The following AP3D1 variants were observed in gnomAD, a reference collection of about 807,000 sequenced individuals.
The protein encoded by AP3D1 is adaptor related protein complex 3 subunit delta 1.
In AP3D1, 51 loss-of-function variants were observed where a neutral mutation model predicts 147.6. The observed-to-expected ratio is 0.35, with a 90% CI of 0.28 to 0.44. The LOEUF is 0.44. Among genes scored for constraint, AP3D1 ranks in the 20% least tolerant of loss-of-function variants. The pLI, the probability that AP3D1 is intolerant of heterozygous loss-of-function variation, is 1.00. For synonymous variants in AP3D1, 760 were observed against 663.0 expected (o/e 1.15, Z -2.25); for missense variants, 1,421 against 1,624.2 (o/e 0.87, Z 2.15).
intron 1 of AP3D1, among the ~76,000 whole-genome samples, chr19:2,162,519 G>A (rs1242514740): frequency 6.6e-6 from 1 of 151,484 alleles, no homozygotes; most frequent in East Asian, 2.0e-4. Flanking sequence ...AAATTAACCG[G>A]GCGTGGTGAC....
In AP3D1 at chr19:2,112,868, G is replaced by T; in HGVS notation, c.2779C>A (p.Gln927Lys). ...GEEDDAEGQD[Q>K]DKKSPKPKKK... is the part of the protein sequence containing the mutation. ...GGGAGTGACAGCCTCACCTTGTCCT[G>T]GTCTTGCCCCTCGGCATCGTCCTCC... The change falls in exon 24 of 32, where the codon CAG becomes AAG. Residue 927 changes from glutamine (Q) to lysine (K), a missense_variant. By Grantham distance (53) the Gln-to-Lys change is moderately conservative. This residue lies in a region of AP3D1 where 791 missense variants were observed against 761.4 expected (regional missense o/e 1.04). Transcript: ENST00000643116. 6.2e-7 allele frequency: 1 copy of T among 1,611,182 alleles called. No individual in the cohort carries two copies. The highest frequency in any genetic ancestry group is 8.5e-7 in the Non-Finnish European group (1 of 1,178,588).
At chr19:2,162,751 G>A (rs1211340107) in intron 1 of AP3D1, among the ~76,000 whole-genome samples, 1 of 152,014 alleles carries the variant, frequency 6.6e-6, no homozygotes, top group Admixed American at 6.6e-5. Flanking sequence ...ATCACCAGGG[G>A]CTGTGGCAGT....
At chr19:2,127,729 G>A (rs1218459121) in intron 8 of AP3D1, among the ~76,000 whole-genome samples, 2 of 152,182 alleles carry the variant, frequency 1.3e-5, no homozygotes, top group African/African-American at 4.8e-5. Flanking sequence ...GTTTCACCAT[G>A]TTGCCTAGAC....
At chr19:2,139,826 G>A (rs561449300) in intron 1 of AP3D1, among the ~76,000 whole-genome samples, 6 of 152,268 alleles carry the variant, frequency 3.9e-5, no homozygotes, top group East Asian at 3.9e-4. Context: ...ACCCCATCAC[G>A]CTTCTGTCCT....
intron 9 of AP3D1, among the ~76,000 whole-genome samples, chr19:2,126,725 G>A (rs1042983105): frequency 1.4e-4 from 21 of 152,148 alleles, no homozygotes; most frequent in Non-Finnish European, 2.1e-4. Context: ...GTATCCACGG[G>A]TGAAACGATA....
chr19:2,163,404 C>G (rs890663584), intron 1 of AP3D1, among the ~76,000 whole-genome samples: 1 of 151,738 alleles, frequency 6.6e-6, no homozygotes, highest in Non-Finnish European at 1.5e-5. Flanking sequence ...GTTGGTCAGG[C>G]TGGTCTCGAA....
chr19:2,163,933 A>T (rs992681217), intron 1 of AP3D1, among the ~76,000 whole-genome samples: 11 of 149,160 alleles, frequency 7.4e-5, no homozygotes, highest in Non-Finnish European at 1.5e-4. Context: ...CCCCCGGCTC[A>T]TTGTGCTCGC....
At chr19:2,139,964 G>GT (rs1005257542) in intron 1 of AP3D1, among the ~76,000 whole-genome samples, 21 of 151,954 alleles carry the variant, frequency 1.4e-4, no homozygotes, top group Non-Finnish European at 2.6e-4. Context: ...CTGTGGGGGA[G>GT]TGGGGGGGTG....
chr19:2,148,063 C>T (rs1409820739), intron 1 of AP3D1, among the ~76,000 whole-genome samples: 1 of 148,812 alleles, frequency 6.7e-6, no homozygotes. Context: ...AGGAGAATGG[C>T]GTGAACCCGG....
rs1307715949 is a variant in AP3D1 at position 2,164,197 on chromosome 19, C to G, written c.-103+159G>C. The G allele has an allele frequency of 4.0e-6, 5 of 1,262,942 alleles. No homozygotes were observed. In the African/African-American group the frequency reaches 7.8e-5, roughly 20 times the overall value. 78.2% of individuals were successfully genotyped at this position (1,262,942 alleles called of 1,614,324 possible). Reference sequence around the variant, plus strand: ...CGCGCGCGCGGACATGGGGGAGAAGCTGGAGCTGAGACTGAAGTCGCCCGT... The same window carrying G: ...CGCGCGCGCGGACATGGGGGAGAAGGTGGAGCTGAGACTGAAGTCGCCCGT... On this transcript the variant is annotated intron_variant, in intron 1 of 14. Transcript: ENST00000643010.
At chr19:2,105,283 CA>C (rs2018078960) in intron 31 of AP3D1, among the ~76,000 whole-genome samples, 1 of 152,200 alleles carries the variant, frequency 6.6e-6, no homozygotes, top group Non-Finnish European at 1.5e-5. Context: ...TGGCCATAAA[CA>C]AAATCTCTGC....
At chr19:2,163,788 T>G (rs1273341105) in intron 1 of AP3D1, among the ~76,000 whole-genome samples, 1 of 150,468 alleles carries the variant, frequency 6.6e-6, no homozygotes, top group Non-Finnish European at 1.5e-5. Context: ...GTGCGTGGAT[T>G]CGGGCGGGCG....
chr19:2,105,826 G>C (rs2018095606), intron 31 of AP3D1, among the ~76,000 whole-genome samples: 1 of 152,162 alleles, frequency 6.6e-6, no homozygotes, highest in Non-Finnish European at 1.5e-5. Flanking sequence ...CCGGGCGCGG[G>C]GGCTCGTGCT....
Position 2,118,341 on chromosome 19 carries a change from C to G in AP3D1, c.1713+260G>C, listed in dbSNP as rs149025697. On this transcript the variant is annotated intron_variant, in intron 15 of 31. Transcript: ENST00000643116. ...TGTCTCGCCGCATGTGAAACAACCTCTTCCTGTGGCCAGGAGCAGCACCCT... is the reference window on the plus strand; with the variant it reads ...TGTCTCGCCGCATGTGAAACAACCTGTTCCTGTGGCCAGGAGCAGCACCCT... Among the ~76,000 whole-genome samples, 2,871 of 152,334 alleles carry G rather than the reference C, an allele frequency of 0.019. 58 individuals carry two copies. The highest frequency in any genetic ancestry group is 0.026 in the Non-Finnish European group (1,801 of 68,028).
rs201230640 is a variant in AP3D1, at chr19:2,129,073, G to A, written c.806+17C>T. On this transcript the variant is annotated intron_variant, in intron 8 of 31. Coordinates refer to ENST00000643116, the MANE Select transcript of AP3D1 (RefSeq NM_001261826.3). ...CGTGGAGCCGGCCCGCCCCCACCGCGCATGGCCTGCACTCACCTGTGGATG... is the reference window on the plus strand; with the variant it reads ...CGTGGAGCCGGCCCGCCCCCACCGCACATGGCCTGCACTCACCTGTGGATG... 5.1e-6 allele frequency: 8 copies of A among 1,565,760 alleles called. No homozygotes were observed. The Admixed American group carries it at 5.8e-5, about 11-fold the overall frequency.
intron 4 of AP3D1, among the ~76,000 whole-genome samples, chr19:2,134,294 G>GA (rs2019022706): frequency 1.3e-5 from 2 of 151,834 alleles, no homozygotes; most frequent in African/African-American, 4.8e-5. Context: ...GGTGGTGTAT[G>GA]CCTGCAGTCC....
In AP3D1 at chr19:2,148,863, C is replaced by CT. The variant is rs34496025; in HGVS notation, c.96+2375dup. On this transcript the variant is annotated intron_variant, in intron 1 of 31. Coordinates refer to ENST00000643116, the MANE Select transcript of AP3D1 (RefSeq NM_001261826.3). ...GTGAAAATCTATTACGAAATGGAAA[C>CT]TTTTTTTGGAAACTATACTGCTGCA... Among the ~76,000 whole-genome samples, 6 of 152,302 alleles carry CT rather than the reference C, an allele frequency of 3.9e-5. No homozygotes were observed. The South Asian group carries it at 8.3e-4, about 21-fold the overall frequency.
intron 31 of AP3D1, among the ~76,000 whole-genome samples, chr19:2,106,082 G>A (rs1296770610): frequency 6.6e-6 from 1 of 151,998 alleles, no homozygotes; most frequent in Non-Finnish European, 1.5e-5. Flanking sequence ...GACAGAGCGA[G>A]ACTCCATCTC....
rs1198391042 is a variant in AP3D1, at chr19:2,114,188, C to T, written c.2538G>A (p.Lys846=). ...MVEKKSKKPK[K]KEKKHKEKER... is the part of the protein sequence containing the mutation. The stretch of plus-strand genomic sequence containing the variant: ...CTTTCTCTTTGTGTTTTTTCTCTTT[C>T]TTCTTGGGTTTCTTGCTCTTCTTTT... Residue 846 remains lysine, a synonymous_variant, in exon 22 of 32, where the codon AAG becomes AAA. Transcript: ENST00000643116. The T allele has an allele frequency of 4.4e-6, 7 of 1,605,708 alleles. No individual in the cohort carries two copies. The Admixed American group carries it at 5.1e-5, about 12-fold the overall frequency.
Sources: gnomAD v4.1 joint callset for allele counts (sites outside exome capture counted in the v4.1 genomes callset) on GRCh38, gnomAD v4.1.1 for gene constraint, gnomAD v4.1.1 regional missense constraint, MANE v1.5 for transcripts, NCBI Gene and HGNC (gene_info 2026-07-23, HGNC 2026-07-21) for gene names.